Variants in MEIS2 observed in about 807,000 individuals in gnomAD.
The protein encoded by MEIS2 is homeobox protein Meis2.
A neutral mutation model predicts 58.6 loss-of-function variants in MEIS2; 9 were observed. The ratio of observed to expected loss-of-function variants is 0.15; its 90% CI spans 0.09 to 0.27. MEIS2 has a LOEUF of 0.27. MEIS2 is among the 10% of genes least tolerant of loss of function. The pLI is 1.00. For synonymous variants in MEIS2, 221 were observed against 228.4 expected, an observed-to-expected ratio of 0.97 and a Z score of 0.29; for missense variants, 427 against 635.0, an observed-to-expected ratio of 0.67 and a Z score of 3.52.
At chr15:37,089,871 T>C (rs1309421447) in intron 6 of MEIS2, among the ~76,000 whole-genome samples, 1 of 152,066 alleles carries the variant, frequency 6.6e-6, no homozygotes, top group Non-Finnish European at 1.5e-5. Flanking sequence ...TCTTTGTCTG[T>C]ACTAGGTCTA....
intron 8 of MEIS2, among the ~76,000 whole-genome samples, chr15:37,028,086 G>T (rs994018045): frequency 1.3e-5 from 2 of 152,122 alleles, no homozygotes; most frequent in African/African-American, 2.4e-5. Flanking sequence ...TCTGTGTTCT[G>T]CCTATCAATT....
At chr15:36,972,105 T>C (rs1187665228) in intron 8 of MEIS2, among the ~76,000 whole-genome samples, 1 of 152,214 alleles carries the variant, frequency 6.6e-6, no homozygotes, top group South Asian at 2.1e-4. Context: ...GAGAATATGG[T>C]ATTTTTCAGG....
At chr15:37,013,167 C>T (rs1460819070) in intron 8 of MEIS2, among the ~76,000 whole-genome samples, 1 of 152,090 alleles carries the variant, frequency 6.6e-6, no homozygotes, top group African/African-American at 2.4e-5. Context: ...TGCCAGATGG[C>T]ACCTTACAGC....
chr15:37,099,512 T>G lies in MEIS2; in HGVS notation c.-46A>C, dbSNP rs751350668. 3 of 1,612,854 alleles carry G rather than the reference T, an allele frequency of 1.9e-6. No individual in the cohort carries two copies. Among genetic ancestry groups the G allele is most frequent in the African/African-American group, 1.3e-5 (1 of 74,828 alleles). On this transcript the variant is annotated 5_prime_UTR_variant, in exon 1 of 12. Coordinates refer to ENST00000561208, the MANE Select transcript of MEIS2 (RefSeq NM_170675.5). Reference sequence around the variant, plus strand: ...TCCTGGATGTGTCGTATATTTAATATCCCAGTCCGGATAAGAAAGTGATCT... The same window carrying G: ...TCCTGGATGTGTCGTATATTTAATAGCCCAGTCCGGATAAGAAAGTGATCT...
chr15:36,904,962 G>A (rs1481696100), intron 9 of MEIS2, among the ~76,000 whole-genome samples: 5 of 152,142 alleles, frequency 3.3e-5, no homozygotes, highest in Non-Finnish European at 5.9e-5. Context: ...AACCAAGTGG[G>A]ACATGCAATA....
chr15:37,030,429 C>T (rs1228819577), intron 8 of MEIS2, among the ~76,000 whole-genome samples: 8 of 152,104 alleles, frequency 5.3e-5, no homozygotes, highest in African/African-American at 9.6e-5. Context: ...CTCTACCTCC[C>T]GGGCTCAAGC....
chr15:36,956,452 G>A (rs1011259924), intron 8 of MEIS2, among the ~76,000 whole-genome samples: 7 of 152,008 alleles, frequency 4.6e-5, no homozygotes, highest in African/African-American at 1.7e-4. Flanking sequence ...TTTAATTTAG[G>A]GATGTAATCA....
intron 8 of MEIS2, among the ~76,000 whole-genome samples, chr15:36,959,321 C>A: frequency 6.6e-6 from 1 of 152,112 alleles, no homozygotes; most frequent in East Asian, 1.9e-4. Context: ...TCTTTGCCAC[C>A]CTATCTTTCC....
chr15:37,099,820 AAAGAAAAAG>A lies in MEIS2; in HGVS notation c.-363_-355del, dbSNP rs983527715. ...CCTCAGTTGGAAAAAAAAAGAAAGAAAAGAAAAAGAAGAAAAAGAAGAAAAAAATTGTCA... is the reference window on the plus strand; with the variant it reads ...CCTCAGTTGGAAAAAAAAAGAAAGAAAAGAAAAAGAAGAAAAAAATTGTCA... On this transcript the variant is annotated 5_prime_UTR_variant, in exon 1 of 12. Coordinates refer to ENST00000561208, the MANE Select transcript of MEIS2 (RefSeq NM_170675.5). The A allele has an allele frequency of 3.4e-4, 83 of 247,256 alleles. No homozygotes were observed. The highest frequency in any genetic ancestry group is 1.5e-3 in the African/African-American group (60 of 38,780). The allele number at this position is 247,256 out of a possible 1,614,324, so 15.3% of individuals were successfully genotyped here. A position where few individuals can be genotyped will look rare whatever the true frequency, so the allele number is the denominator to read the frequency against.
chr15:36,940,263 C>G (rs184184804), intron 9 of MEIS2, among the ~76,000 whole-genome samples: 18 of 152,152 alleles, frequency 1.2e-4, no homozygotes, highest in African/African-American at 4.3e-4. Flanking sequence ...CAGTTTCTGA[C>G]ATATTATTTA....
chr15:36,932,677 T>TGTGTCTG (rs1287082858), intron 9 of MEIS2, among the ~76,000 whole-genome samples: 1 of 152,072 alleles, frequency 6.6e-6, no homozygotes, highest in Non-Finnish European at 1.5e-5. Context: ...TGTGCACGTG[T>TGTGTCTG]GTGTCTGTCT....
intron 8 of MEIS2, among the ~76,000 whole-genome samples, chr15:36,997,397 G>A (rs2060559329): frequency 6.6e-6 from 1 of 152,038 alleles, no homozygotes; most frequent in Non-Finnish European, 1.5e-5. Context: ...GTTAGGAAAG[G>A]GAAAGGAAAT....
intron 9 of MEIS2, among the ~76,000 whole-genome samples, chr15:36,946,430 A>T (rs1428183059): frequency 6.6e-6 from 1 of 151,726 alleles, no homozygotes; most frequent in African/African-American, 2.4e-5. Context: ...TAGAAAAAAA[A>T]AAAAAAAACT....
chr15:37,008,693 C>T (rs1294666809), intron 8 of MEIS2, among the ~76,000 whole-genome samples: 2 of 152,228 alleles, frequency 1.3e-5, no homozygotes, highest in African/African-American at 2.4e-5. Context: ...AGAAAATTAT[C>T]AAAACTATTT....
chr15:36,947,688 G>T (rs781478048), intron 9 of MEIS2, among the ~76,000 whole-genome samples: 4 of 151,856 alleles, frequency 2.6e-5, no homozygotes, highest in Non-Finnish European at 5.9e-5. Flanking sequence ...GGAGAAGTGG[G>T]CATTATTTCC....
intron 8 of MEIS2, among the ~76,000 whole-genome samples, chr15:36,965,264 T>C (rs539427651): frequency 6.6e-6 from 1 of 152,300 alleles, no homozygotes; most frequent in South Asian, 2.1e-4. Context: ...TAATATAATC[T>C]ATTACACTGA....
intron 8 of MEIS2, among the ~76,000 whole-genome samples, chr15:36,953,456 T>G (rs2058835202): frequency 6.6e-6 from 1 of 152,218 alleles, no homozygotes; most frequent in Non-Finnish European, 1.5e-5. Context: ...ATTCTTGGAC[T>G]AAAGCTATAG....
intron 7 of MEIS2, among the ~76,000 whole-genome samples, chr15:37,075,506 T>C (rs1026331383): frequency 2.0e-5 from 3 of 152,082 alleles, no homozygotes; most frequent in African/African-American, 4.8e-5. Context: ...AAAGAGTTCA[T>C]TTATGTTCAG....
intron 9 of MEIS2, among the ~76,000 whole-genome samples, chr15:36,947,535 G>C (rs985067933): frequency 6.6e-6 from 1 of 152,028 alleles, no homozygotes; most frequent in East Asian, 1.9e-4. Flanking sequence ...ACCTTGTGTG[G>C]CCTTTCTATA....
Sources: gnomAD v4.1 joint callset for allele counts (sites outside exome capture counted in the v4.1 genomes callset) on GRCh38, gnomAD v4.1.1 for gene constraint, MANE v1.5 for transcripts, NCBI Gene and HGNC (gene_info 2026-07-23, HGNC 2026-07-21) for gene names.